The following TRPM3 variants were observed in gnomAD, a reference collection of about 807,000 sequenced individuals.
TRPM3 encodes long transient receptor potential channel 3.
A neutral mutation model predicts 181.2 loss-of-function variants in TRPM3; 77 were observed. The ratio of observed to expected loss-of-function variants is 0.42; its 90% confidence interval spans 0.35 to 0.51. The LOEUF (loss-of-function observed/expected upper bound fraction) is 0.51. TRPM3 is among the 20% of genes least tolerant of loss of function. The pLI is 0.01. For synonymous variants in TRPM3, 745 were observed against 796.4 expected (o/e 0.94, Z 1.09); for missense variants, 1,759 against 2,196.7 (o/e 0.80, Z 3.98).
intron 22 of TRPM3, among the ~76,000 whole-genome samples, chr9:70,578,727 A>G (rs921671428): frequency 4.6e-5 from 7 of 152,242 alleles, no homozygotes; most frequent in African/African-American, 1.7e-4. Flanking sequence ...AGGACTTCTT[A>G]CAAGTTGAGG....
chr9:71,429,762 A>T (rs531376183), intron 1 of TRPM3, among the ~76,000 whole-genome samples: 2 of 152,306 alleles, frequency 1.3e-5, no homozygotes, highest in South Asian at 4.1e-4. Context: ...GCATTTGTGC[A>T]CATAGGTTTG....
At chr9:70,741,614 G>T (rs2074114306) in intron 8 of TRPM3, among the ~76,000 whole-genome samples, 1 of 152,060 alleles carries the variant, frequency 6.6e-6, no homozygotes, top group African/African-American at 2.4e-5. Context: ...CGTGGTATAT[G>T]TATATATATC....
At chr9:70,603,512 A>G (rs1248755170) in intron 19 of TRPM3, 42 bp from the exon 20 acceptor site, 2 of 1,607,338 alleles carry the variant, frequency 1.2e-6, no homozygotes, top group East Asian at 2.2e-5. Context: ...GTTCAGGCCC[A>G]GGAGCCCCAG....
chr9:70,772,127 G>A (rs1328299110), intron 7 of TRPM3, among the ~76,000 whole-genome samples: 2 of 152,112 alleles, frequency 1.3e-5, no homozygotes, highest in Admixed American at 1.3e-4. Flanking sequence ...TCAGTTTGGT[G>A]GAAACCAACT....
intron 2 of TRPM3, among the ~76,000 whole-genome samples, chr9:70,863,602 T>A (rs1044077505): frequency 7.9e-5 from 12 of 152,150 alleles, no homozygotes; most frequent in Admixed American, 7.9e-4. Flanking sequence ...AATATCCAAT[T>A]CTGAGAATAA....
rs754773998 is a variant in TRPM3, at chr9:70,620,225, C to A, written c.1980G>T (p.Arg660=). ...ELMVWAVLMK[R]QKMALFFWQH... is the part of the protein sequence containing the mutation. ...GCCAGAAGAACAGGGCCATCTTCTG[C>A]CGCTTCATGAGAACAGCCCACACCA... Residue 660 remains arginine (R), a synonymous_variant, in exon 16 of 26, where the codon CGG becomes CGT. Coordinates refer to ENST00000677713, the MANE Select transcript of TRPM3 (RefSeq NM_001366145.2). 1 of 1,614,242 alleles carries A rather than the reference C, an allele frequency of 6.2e-7. No individual in the cohort carries two copies.
chr9:71,154,687 T>C (rs2075897888), intron 1 of TRPM3, among the ~76,000 whole-genome samples: 1 of 152,186 alleles, frequency 6.6e-6, no homozygotes, highest in Non-Finnish European at 1.5e-5. Flanking sequence ...TCCTAGAAAC[T>C]GCCATGTGAA....
intron 1 of TRPM3, among the ~76,000 whole-genome samples, chr9:71,104,255 T>C (rs1052882309): frequency 2.6e-5 from 4 of 152,194 alleles, no homozygotes; most frequent in African/African-American, 7.2e-5. Flanking sequence ...ACTACTAATA[T>C]GGACACATTC....
intron 1 of TRPM3, among the ~76,000 whole-genome samples, chr9:71,204,309 C>T (rs2078989208): frequency 6.6e-6 from 1 of 151,190 alleles, no homozygotes; most frequent in African/African-American, 2.4e-5. Context: ...TTGCAACCTA[C>T]TCATCTGACA....
intron 1 of TRPM3, among the ~76,000 whole-genome samples, chr9:71,198,116 T>G (rs1057231302): frequency 6.7e-6 from 1 of 149,980 alleles, no homozygotes; most frequent in African/African-American, 2.4e-5. Flanking sequence ...CAGCACCATT[T>G]ATTAAATAGG....
chr9:71,051,934 A>AGG (rs34882938), intron 1 of TRPM3, among the ~76,000 whole-genome samples: 1 of 151,850 alleles, frequency 6.6e-6, no homozygotes, highest in Non-Finnish European at 1.5e-5. Context: ...TGTTATCTCT[A>AGG]GGGGGGTTGT....
intron 1 of TRPM3, among the ~76,000 whole-genome samples, chr9:71,011,251 A>G (rs112745157): frequency 4.6e-5 from 7 of 152,256 alleles, no homozygotes; most frequent in African/African-American, 1.7e-4. Flanking sequence ...AACTATAGCA[A>G]ATAACAATGT....
chr9:70,740,916 C>T (rs942232403), intron 8 of TRPM3, among the ~76,000 whole-genome samples: 1 of 152,066 alleles, frequency 6.6e-6, no homozygotes, highest in African/African-American at 2.4e-5. Flanking sequence ...AAAGACTTCA[C>T]GACAAGAACA....
At chr9:70,677,526 A>G (rs2064304450) in intron 9 of TRPM3, among the ~76,000 whole-genome samples, 1 of 152,252 alleles carries the variant, frequency 6.6e-6, no homozygotes, top group Non-Finnish European at 1.5e-5. Context: ...CTGCATCAGC[A>G]GGAATGCTAC....
chr9:70,574,505 G>A (rs1264746221), intron 22 of TRPM3, among the ~76,000 whole-genome samples: 3 of 152,148 alleles, frequency 2.0e-5, no homozygotes, highest in Non-Finnish European at 4.4e-5. Context: ...ATGTCTCCTT[G>A]TTAGATGTTT....
At chr9:70,877,600 T>TG in intron 1 of TRPM3, among the ~76,000 whole-genome samples, 1 of 151,974 alleles carries the variant, frequency 6.6e-6, no homozygotes, top group East Asian at 1.9e-4. Context: ...GGTATTATTT[T>TG]GGATGTAAGG....
intron 1 of TRPM3, among the ~76,000 whole-genome samples, chr9:71,001,974 GC>G (rs2097607999): frequency 6.7e-6 from 1 of 150,322 alleles, no homozygotes; most frequent in South Asian, 2.1e-4. Context: ...GGTCTTGTGT[GC>G]CCCCTTGTGG....
intron 24 of TRPM3, among the ~76,000 whole-genome samples, chr9:70,550,158 A>G (rs2046123529): frequency 6.6e-6 from 1 of 152,216 alleles, no homozygotes; most frequent in African/African-American, 2.4e-5. Context: ...GCTAGCAGCA[A>G]CCACGAGGAT....
intron 1 of TRPM3, among the ~76,000 whole-genome samples, chr9:70,948,969 G>A (rs569291993): frequency 7.9e-5 from 12 of 152,188 alleles, no homozygotes; most frequent in African/African-American, 2.9e-4. Flanking sequence ...TTGATGTTGT[G>A]TTTTTAGGGA....
Sources: gnomAD v4.1 joint callset for allele counts (sites outside exome capture counted in the v4.1 genomes callset) on GRCh38, gnomAD v4.1.1 for gene constraint, MANE v1.5 for transcripts, NCBI Gene and HGNC (gene_info 2026-07-23, HGNC 2026-07-21) for gene names.